Variants in R3HCC1L observed in about 807,000 individuals in gnomAD.
R3HCC1L encodes the protein coiled-coil domain-containing protein R3HCC1L.
A neutral mutation model predicts 59.9 loss-of-function variants in R3HCC1L; 51 were observed. That is an observed-to-expected ratio of 0.85 (90% CI 0.68 to 1.07). The LOEUF is 1.07. Ranked by LOEUF, R3HCC1L falls within the 50% of genes least tolerant of loss-of-function variation. The probability of loss-of-function intolerance (pLI) is 0.00; values close to 1 mark genes in which losing one functional copy is unlikely to be tolerated. For missense variants in R3HCC1L, 965 were observed against 933.0 expected (o/e 1.03, Z -0.45); for synonymous variants, 322 against 315.2 (o/e 1.02, Z -0.23).
intron 4 of R3HCC1L, among the ~76,000 whole-genome samples, chr10:98,187,703 G>A (rs1462466052): frequency 6.7e-6 from 1 of 148,726 alleles, no homozygotes; most frequent in East Asian, 2.0e-4. Context: ...CTAGTGAGTT[G>A]AGTCAAACAG....
At chr10:98,229,151 A>T (rs1376614033) in intron 5 of R3HCC1L, among the ~76,000 whole-genome samples, 1 of 152,134 alleles carries the variant, frequency 6.6e-6, no homozygotes, top group Non-Finnish European at 1.5e-5. Flanking sequence ...TGGGGATGGC[A>T]TTGAATCTAT....
chr10:98,225,642 T>G lies in R3HCC1L; in HGVS notation c.1786-5870T>G, dbSNP rs570299800. The stretch of plus-strand genomic sequence containing the variant: ...AGAAGTATGTAACTCGTAGCCTTTG[T>G]TTGTTTCATGAAATGTAGAACAAGA... On this transcript the variant is annotated intron_variant, in intron 5 of 9. Coordinates refer to ENST00000298999, the MANE Select transcript of R3HCC1L (RefSeq NM_001351015.2). Among the ~76,000 whole-genome samples the G allele has an allele frequency of 2.0e-5, 3 of 152,332 alleles. No homozygotes were observed. The East Asian group carries it at 5.8e-4, about 29-fold the overall frequency.
chr10:98,205,285 A>T (rs549957487), intron 4 of R3HCC1L, among the ~76,000 whole-genome samples: 1 of 152,104 alleles, frequency 6.6e-6, no homozygotes, highest in South Asian at 2.1e-4. Context: ...TTTTTCCCCA[A>T]CTCTATATTT....
intron 2 of R3HCC1L, among the ~76,000 whole-genome samples, chr10:98,161,457 G>A (rs1042263464): frequency 6.6e-6 from 1 of 152,034 alleles, no homozygotes; most frequent in Non-Finnish European, 1.5e-5. Flanking sequence ...TTTTCTCCCA[G>A]TTTGTAGTGT....
In R3HCC1L at chr10:98,218,110, G is replaced by C. The variant is rs12261132; in HGVS notation, c.1785+8211G>C. Reference sequence around the variant, plus strand: ...CCCATTCTTAGAGGAAAAGTGGAAAGCTTTTCCCATTCATCATAATGTTAG... The same window carrying C: ...CCCATTCTTAGAGGAAAAGTGGAAACCTTTTCCCATTCATCATAATGTTAG... On this transcript the variant is annotated intron_variant, in intron 5 of 9. Coordinates refer to ENST00000298999, the MANE Select transcript of R3HCC1L (RefSeq NM_001351015.2). Among the ~76,000 whole-genome samples, 1,031 of 152,180 alleles carry C rather than the reference G, an allele frequency of 6.8e-3. 19 individuals are homozygous for C. The highest frequency in any genetic ancestry group is 0.024 in the African/African-American group (989 of 41,512).
intron 4 of R3HCC1L, among the ~76,000 whole-genome samples, chr10:98,188,066 A>G (rs1219816913): frequency 6.6e-6 from 1 of 152,128 alleles, no homozygotes; most frequent in Non-Finnish European, 1.5e-5. Flanking sequence ...AATGTTGTTC[A>G]AGAATACACA....
chr10:98,191,559 T>C (rs1057231125), intron 4 of R3HCC1L, among the ~76,000 whole-genome samples: 1 of 152,218 alleles, frequency 6.6e-6, no homozygotes, highest in Non-Finnish European at 1.5e-5. Context: ...ATTAGCCCTT[T>C]GTCAGATGAG....
At chr10:98,157,845 A>G (rs1016942833) in intron 2 of R3HCC1L, among the ~76,000 whole-genome samples, 2 of 152,228 alleles carry the variant, frequency 1.3e-5, no homozygotes, top group Admixed American at 1.3e-4. Context: ...GGATATTCTT[A>G]TGTGAAATAA....
chr10:98,208,140 G>C lies in R3HCC1L; in HGVS notation c.26G>C (p.Arg9Thr), dbSNP rs1186117937. The change falls in exon 5 of 10, where the codon AGA becomes ACA. Residue 9 changes from arginine to threonine, a missense_variant. Physicochemically the swap from Arg to Thr is moderately conservative, Grantham distance 71. Transcript: ENST00000298999. Reference sequence around the variant, plus strand: ...ATGCAGCAAGAATCAGAGAGATGCAGAGTTAGAGCCAGAAGGCCTGACATG... The same window carrying C: ...ATGCAGCAAGAATCAGAGAGATGCACAGTTAGAGCCAGAAGGCCTGACATG... MQQESERC[R>T]VRARRPDMAL... is the part of the protein sequence containing the mutation. 17 of 1,612,820 alleles carry C rather than the reference G, an allele frequency of 1.1e-5. No individual in the cohort carries two copies. Among genetic ancestry groups the C allele is most frequent in the Non-Finnish European group, 1.4e-5 (17 of 1,179,582 alleles).
At chr10:98,187,331 G>A (rs1360797380) in intron 4 of R3HCC1L, among the ~76,000 whole-genome samples, 1 of 151,974 alleles carries the variant, frequency 6.6e-6, no homozygotes, top group Non-Finnish European at 1.5e-5. Context: ...GAATGTTTTG[G>A]ACTTTGGAGC....
chr10:98,154,182 CAAAAAAAAAAA>C (rs61379048), intron 1 of R3HCC1L, among the ~76,000 whole-genome samples: 1 of 92,832 alleles, frequency 1.1e-5, no homozygotes, highest in African/African-American at 4.1e-5. Flanking sequence ...AGAGAATAAG[CAAAAAAAAAAA>C]AAAAAAAAAA....
intron 9 of R3HCC1L, among the ~76,000 whole-genome samples, chr10:98,237,167 T>C (rs189078228): frequency 2.0e-5 from 3 of 152,322 alleles, no homozygotes; most frequent in Admixed American, 6.5e-5. Context: ...TTTTTGAAAC[T>C]TTAATGATTA....
At chr10:98,169,556 T>G (rs1226451211) in intron 4 of R3HCC1L, among the ~76,000 whole-genome samples, 1 of 152,182 alleles carries the variant, frequency 6.6e-6, no homozygotes, top group Non-Finnish European at 1.5e-5. Flanking sequence ...CTACTTCACT[T>G]TTGCTTGTAG....
Position 98,236,123 on chromosome 10 carries a change from C to A in R3HCC1L, c.2228C>A (p.Thr743Asn). The A allele has an allele frequency of 6.2e-7, 1 of 1,613,936 alleles. No individual in the cohort carries two copies. Among genetic ancestry groups the A allele is most frequent in the Non-Finnish European group, 8.5e-7 (1 of 1,179,914 alleles). The change falls in exon 9 of 10, where the codon ACC (threonine) becomes AAC (asparagine). Residue 743 changes from threonine to asparagine, a missense_variant. Coordinates refer to ENST00000298999, the MANE Select transcript of R3HCC1L (RefSeq NM_001351015.2). ...GGGGTTCGAAGTAAGCAGAGCAAAA[C>A]CGAACGAGAAGCAGAGCTCAAGAAA... is the stretch of plus-strand genomic sequence containing the variant. Reference protein sequence around the residue: ...ALGVRSKQSKTEREAELKKLQ... With the variant: ...ALGVRSKQSKNEREAELKKLQ...
intron 9 of R3HCC1L, among the ~76,000 whole-genome samples, chr10:98,237,137 T>C (rs1399494062): frequency 6.6e-6 from 1 of 152,216 alleles, no homozygotes; most frequent in African/African-American, 2.4e-5. Flanking sequence ...TGCTAGAGTT[T>C]CAGAGTTGAA....
chr10:98,244,247 A>T lies in R3HCC1L; in HGVS notation c.*89A>T. 2 of 1,258,632 alleles carry T rather than the reference A, an allele frequency of 1.6e-6. No homozygotes were observed. The highest frequency in any genetic ancestry group is 2.3e-6 in the Non-Finnish European group (2 of 867,948). 78.0% of individuals were successfully genotyped at this position (1,258,632 alleles called of 1,614,324 possible). A position where few individuals can be genotyped will look rare whatever the true frequency, so the allele number is the denominator to read the frequency against. On this transcript the variant is annotated 3_prime_UTR_variant, in exon 10 of 10. Transcript: ENST00000298999. ...ATGATCCTTCCAGAGCTCTATGTAC[A>T]TGCAGATGTGCATGTTAAAGAGATA...
intron 2 of R3HCC1L, among the ~76,000 whole-genome samples, chr10:98,160,961 ATAT>A (rs1439922831): frequency 6.6e-6 from 1 of 152,198 alleles, no homozygotes; most frequent in Non-Finnish European, 1.5e-5. Context: ...GCTGTTTCTA[ATAT>A]TTTGAATTTA....
At chr10:98,181,207 C>T (rs1338762991) in intron 4 of R3HCC1L, among the ~76,000 whole-genome samples, 1 of 152,088 alleles carries the variant, frequency 6.6e-6, no homozygotes, top group Non-Finnish European at 1.5e-5. Flanking sequence ...CCTTTAGGAG[C>T]TCTTGTAAGG....
chr10:98,200,807 A>G (rs1303990967), intron 4 of R3HCC1L, among the ~76,000 whole-genome samples: 1 of 152,208 alleles, frequency 6.6e-6, no homozygotes, highest in East Asian at 1.9e-4. Flanking sequence ...AAGAGAAACT[A>G]GAATAGACCT....
Sources: gnomAD v4.1 joint callset for allele counts (sites outside exome capture counted in the v4.1 genomes callset) on GRCh38, gnomAD v4.1.1 for gene constraint, MANE v1.5 for transcripts, NCBI Gene and HGNC (gene_info 2026-07-23, HGNC 2026-07-21) for gene names.